The following TTN variants were observed in gnomAD, a reference collection of about 807,000 sequenced individuals.
TTN encodes the protein titin.
In TTN, 1,525 loss-of-function variants were observed where a neutral mutation model predicts 3,223.0. The ratio of observed to expected loss-of-function variants is 0.47; its 90% CI spans 0.45 to 0.49. The LOEUF (loss-of-function observed/expected upper bound fraction) is 0.49, where lower values mean the gene tolerates loss of function less well. Ranked by LOEUF, TTN falls within the 20% of genes least tolerant of loss-of-function variation. The pLI is 0.00. For missense variants in TTN, 40,786 were observed against 43,424.0 expected (o/e 0.94, Z 5.40); for synonymous variants, 14,094 against 15,161.0 (o/e 0.93, Z 5.17).
chr2:178,591,940 G>C (rs1475156005), intron 302 of TTN, 38 bp downstream of exon 302: 1 of 1,606,782 alleles, frequency 6.2e-7, no homozygotes, highest in Admixed American at 1.7e-5. Context: ...CTTAAAGACA[G>C]TCAAACAATA....
At position 178,612,820 on chromosome 2, in the gene TTN, C is replaced by T; in HGVS notation, c.49901G>A (p.Ser16634Asn). 6.2e-7 allele frequency: 1 copy of T among 1,612,426 alleles called. No homozygotes were observed. Among genetic ancestry groups the T allele is most frequent in the South Asian group, 1.1e-5 (1 of 90,996 alleles). ...AGGGTCACTGGGTTCACTGGGTTCA[C>T]TTTCCCCAGCCTTATTCACAGCTCT... ...RVRAVNKAGE[S>N]EPSEPSDPVL... Residue 16634 changes from serine to asparagine, a missense_variant, in exon 265 of 363, where the codon AGT becomes AAT. Ser to Asn is a conservative substitution (Grantham distance 46). Transcript: ENST00000589042.
chr2:178,577,946 T>G (rs1307374497), intron 322 of TTN, 42 bp downstream of exon 322: 1 of 1,593,524 alleles, frequency 6.3e-7, no homozygotes. Context: ...GTTTTCTTCA[T>G]GTAAAACATG....
In TTN at chr2:178,645,945, C is replaced by T. The variant is rs1473947747; in HGVS notation, c.40383G>A (p.Val13461=). The part of the protein sequence containing the change: ...PPPPAPPKED[V]KEKIFQLKAI... ...CTTTAAGTTGGAATATTTTCTCCTT[C>T]ACATCTTCCTTAGGTGGAGCAGGTG... The change falls in exon 217 of 363, where the codon GTG becomes GTA. Residue 13461 remains valine, a synonymous_variant. Transcript: ENST00000589042. 6.3e-7 allele frequency: 1 copy of T among 1,585,748 alleles called. No individual in the cohort carries two copies. Among genetic ancestry groups the T allele is most frequent in the East Asian group, 2.3e-5 (1 of 43,214 alleles).
chr2:178,778,099 C>A (rs2092423082), intron 24 of TTN, 124 bp from the exon 25 acceptor site: 2 of 1,203,644 alleles, frequency 1.7e-6, no homozygotes, highest in East Asian at 5.1e-5. Flanking sequence ...TATTAGAAGG[C>A]ACCTCAAACT....
chr2:178,685,348 A>C lies in TTN; in HGVS notation c.32393-18T>G. The C allele has an allele frequency of 1.9e-6, 3 of 1,541,362 alleles. No individual in the cohort carries two copies. Among genetic ancestry groups the C allele is most frequent in the Non-Finnish European group, 2.6e-6 (3 of 1,141,202 alleles). The stretch of plus-strand genomic sequence containing the variant: ...CTCTGTCACTTGAAAAGATTATAAA[A>C]TATGTTTGTAGAAATGTCTAGATTT... On this transcript the variant is annotated intron_variant, in intron 128 of 362. Transcript: ENST00000589042.
At chr2:178,744,726 C>G in intron 47 of TTN, 1 of 982,668 alleles carries the variant, frequency 1.0e-6, no homozygotes, top group Non-Finnish European at 1.2e-6. Flanking sequence ...AATCAGAATA[C>G]AGTTTTAAAA....
At chr2:178,724,667 G>A (rs1173873950) in intron 71 of TTN, 129 bp from the exon 72 acceptor site, 1 of 885,844 alleles carries the variant, frequency 1.1e-6, no homozygotes, top group Non-Finnish European at 1.5e-6. Context: ...CGACTTTAAA[G>A]TGTGATTCCA....
Position 178,777,723 on chromosome 2 carries a change from C to T in TTN, c.4461G>A (p.Glu1487=), listed in dbSNP as rs1574678821. ...DLKVVGRPMP[E]TFWFHDGQQI... ...GCTTACCATCATGAAACCAGAACGTCTCTGGCATAGGTCTACCAACAACCT... is the reference window on the plus strand; with the variant it reads ...GCTTACCATCATGAAACCAGAACGTTTCTGGCATAGGTCTACCAACAACCT... The change falls in exon 25 of 363, where the codon GAG becomes GAA. Residue 1487 remains glutamate, a synonymous_variant. Coordinates refer to ENST00000589042, the MANE Select transcript of TTN (RefSeq NM_001267550.2). 6.2e-7 allele frequency: 1 copy of T among 1,614,080 alleles called. No homozygotes were observed. The highest frequency in any genetic ancestry group is 8.5e-7 in the Non-Finnish European group (1 of 1,179,966).
chr2:178,614,256 A>G lies in TTN; in HGVS notation c.49141T>C (p.Ser16381Pro). ...TCCACAACATAGTTTGTGATCTTAGATCCACCATCATCGCGTGGTGGGTTC... is the reference window on the plus strand; with the variant it reads ...TCCACAACATAGTTTGTGATCTTAGGTCCACCATCATCGCGTGGTGGGTTC... ...TWNPPRDDGGSKITNYVVERR... is the reference protein window; with the variant it reads ...TWNPPRDDGGPKITNYVVERR... The change falls in exon 262 of 363, where the codon TCT (serine) becomes CCT (proline). Residue 16381 changes from serine to proline, a missense_variant. Transcript: ENST00000589042. 6.2e-7 allele frequency: 1 copy of G among 1,612,552 alleles called. No homozygotes were observed. Among genetic ancestry groups the G allele is most frequent in the South Asian group, 1.1e-5 (1 of 91,038 alleles).
chr2:178,720,949 G>A lies in TTN; in HGVS notation c.23070C>T (p.Ala7690=). 1 of 1,598,632 alleles carries A rather than the reference G, an allele frequency of 6.3e-7. No homozygotes were observed. The highest frequency in any genetic ancestry group is 8.6e-7 in the Non-Finnish European group (1 of 1,167,832). Residue 7690 remains alanine, a synonymous_variant, in exon 79 of 363, where the codon GCC becomes GCT. Transcript: ENST00000589042. ...ICEAHNGVGD[A]SCSTALTVKA... ...TCACTGTCAACGCTGTGCTGCAGCT[G>A]GCGTCACCAACACCATTATGAGCCT...
chr2:178,737,467 A>T (rs938507648), intron 49 of TTN: 1 of 152,114 alleles, frequency 6.6e-6, no homozygotes, highest in East Asian at 1.9e-4. Context: ...CGCCTGGCTA[A>T]TTTTTTATAT....
chr2:178,611,085 G>A lies in TTN; in HGVS notation c.51044C>T (p.Pro17015Leu). The change falls in exon 270 of 363, where the codon CCC (proline) becomes CTC (leucine). Residue 17015 changes from proline (P) to leucine (L), a missense_variant. Transcript: ENST00000589042. ...NDHISAHLEV[P>L]KSVRADAGIY... ...TCCGGCATCTGCACGGACACTCTTG[G>A]GAACTTCAAGGTGTGCAGAGATGTG... The A allele has an allele frequency of 6.2e-7, 1 of 1,612,780 alleles. No individual in the cohort carries two copies. The highest frequency in any genetic ancestry group is 8.5e-7 in the Non-Finnish European group (1 of 1,179,204).
intron 319 of TTN, 41 bp downstream of exon 319, chr2:178,579,520 G>A (rs1440225290): frequency 2.5e-6 from 4 of 1,603,114 alleles, no homozygotes; most frequent in Non-Finnish European, 3.4e-6. Context: ...CACTTTCGAT[G>A]ACAATAAAGG....
chr2:178,632,094 A>G, intron 236 of TTN, 53 bp downstream of exon 236: 11 of 1,490,412 alleles, frequency 7.4e-6, no homozygotes, highest in Non-Finnish European at 9.8e-6. Flanking sequence ...TAGATACTCC[A>G]CAAATTTCTG....
Position 178,733,533 on chromosome 2 carries a change from ATAGT to A in TTN, c.15776-20_15776-17del, listed in dbSNP as rs1214115001. Reference sequence around the variant, plus strand: ...TTGGCAGGTTCTACAATGGTATGAAATAGTTAGCACCCTAAATGCTTGTTAGGGT... The same window carrying A: ...TTGGCAGGTTCTACAATGGTATGAAATAGCACCCTAAATGCTTGTTAGGGT... On this transcript the variant is annotated splice_polypyrimidine_tract_variant and intron_variant, in intron 53 of 362. Coordinates refer to ENST00000589042, the MANE Select transcript of TTN (RefSeq NM_001267550.2). 45 of 1,604,968 alleles carry A rather than the reference ATAGT, an allele frequency of 2.8e-5. No individual in the cohort carries two copies. In the Middle Eastern group the frequency reaches 5.0e-4, roughly 18 times the overall value.
At chr2:178,770,742 C>G in intron 34 of TTN, 67 bp from the exon 35 acceptor site, 1 of 1,560,486 alleles carries the variant, frequency 6.4e-7, no homozygotes, top group Non-Finnish European at 8.7e-7. Context: ...AAGTCCTGAA[C>G]AAGATCATTG....
At chr2:178,597,848 A>AT (rs1165668177) in intron 293 of TTN, 29 bp from the exon 294 acceptor site, 1 of 1,612,430 alleles carries the variant, frequency 6.2e-7, no homozygotes, top group Non-Finnish European at 8.5e-7. Flanking sequence ...TACAAATGTG[A>AT]TTTTTCCCCT....
chr2:178,739,061 GA>G (rs1011981058), intron 48 of TTN, 79 bp downstream of exon 48: 2 of 1,416,644 alleles, frequency 1.4e-6, no homozygotes, highest in African/African-American at 2.9e-5. Flanking sequence ...GCAGATAAGT[GA>G]AAATTTAAGT....
At chr2:178,676,434 A>G (rs1301084390) in intron 147 of TTN, among the ~76,000 whole-genome samples, 2 of 151,922 alleles carry the variant, frequency 1.3e-5, no homozygotes, top group Admixed American at 1.3e-4. Flanking sequence ...TTAAGCAGCC[A>G]TGCCAGCATC....
Sources: allele counts gnomAD v4.1 joint callset (sites outside exome capture counted in the v4.1 genomes callset), GRCh38; gene constraint gnomAD v4.1.1; transcripts MANE v1.5; gene names NCBI Gene and HGNC (gene_info 2026-07-23, HGNC 2026-07-21).